PRELID2: variants seen among roughly 807,000 people sequenced by gnomAD.
PRELID2 encodes PRELI domain-containing protein 2.
Under a neutral mutation model 28.4 loss-of-function variants are expected in PRELID2, and 25 were observed. That is an observed-to-expected ratio of 0.88 (90% CI 0.64 to 1.23). The LOEUF is 1.23. Ranked by LOEUF, PRELID2 falls within the 50% of genes most tolerant of loss-of-function variation. The pLI is 0.00. For missense variants in PRELID2, 201 were observed against 214.4 expected (o/e 0.94, Z 0.39); for synonymous variants, 76 against 71.6 (o/e 1.06, Z -0.31).
At chr5:145,635,247 A>G (rs1753984750) in intron 1 of PRELID2, among the ~76,000 whole-genome samples, 1 of 152,206 alleles carries the variant, frequency 6.6e-6, no homozygotes, top group Non-Finnish European at 1.5e-5. Flanking sequence ...AACAGTTTTT[A>G]TATGCCTTCA....
chr5:145,349,386 G>C, the PRELID2 span, among the ~76,000 whole-genome samples: 4 of 151,968 alleles, frequency 2.6e-5, no homozygotes, highest in Admixed American at 6.6e-5. Flanking sequence ...ATTATGATTG[G>C]TTCCCATTTG....
Position 145,652,669 on chromosome 5 carries a change from G to A in PRELID2, n.70+112262C>T, listed in dbSNP as rs562499941. Among the ~76,000 whole-genome samples, 108 of 152,302 alleles carry A rather than the reference G, an allele frequency of 7.1e-4. 2 individuals are homozygous for A. Among genetic ancestry groups the A allele is most frequent in the African/African-American group, 2.6e-3 (107 of 41,558 alleles). ...CAAACTAAGCTTCATAAGTGAAGGAGAAATAAAATCCTTTACAGACAAGCA... is the reference window on the plus strand; with the variant it reads ...CAAACTAAGCTTCATAAGTGAAGGAAAAATAAAATCCTTTACAGACAAGCA... On this transcript the variant is annotated intron_variant and non_coding_transcript_variant, in intron 1 of 2. Coordinates refer to the PRELID2 transcript ENST00000510259.
intron 1 of PRELID2, among the ~76,000 whole-genome samples, chr5:145,553,184 C>CG (rs1335049033): frequency 1.7e-5 from 2 of 117,782 alleles, no homozygotes; most frequent in Non-Finnish European, 3.4e-5. Context: ...GCTAGAGGAC[C>CG]CCCCCCCCCA....
At chr5:145,437,466 A>T in the PRELID2 span, among the ~76,000 whole-genome samples, 1 of 152,282 alleles carries the variant, frequency 6.6e-6, no homozygotes, top group East Asian at 1.9e-4. Context: ...GTCAGCCAGA[A>T]AGCAATTAAA....
At chr5:145,247,199 G>A in the PRELID2 span, among the ~76,000 whole-genome samples, 6 of 152,156 alleles carry the variant, frequency 3.9e-5, no homozygotes, top group Admixed American at 2.0e-4. Flanking sequence ...CTTTGACCCC[G>A]TTTGATTCCA....
chr5:145,512,021 T>C (rs999283588), intron 1 of PRELID2, among the ~76,000 whole-genome samples: 26 of 152,106 alleles, frequency 1.7e-4, no homozygotes, highest in African/African-American at 6.0e-4. Context: ...TGTAGACTGA[T>C]TGCATGTGGA....
the PRELID2 span, among the ~76,000 whole-genome samples, chr5:145,344,424 T>C: frequency 2.0e-3 from 302 of 152,168 alleles, 2 homozygotes; most frequent in African/African-American, 7.0e-3. Flanking sequence ...TTTATCATAA[T>C]TGCAAGATTC....
chr5:145,423,975 G>T, the PRELID2 span, among the ~76,000 whole-genome samples: 1 of 151,456 alleles, frequency 6.6e-6, no homozygotes, highest in Non-Finnish European at 1.5e-5. Context: ...TCAGCTGCAG[G>T]TCTGTTGGAG....
At chr5:145,324,549 T>G in the PRELID2 span, among the ~76,000 whole-genome samples, 34 of 152,290 alleles carry the variant, frequency 2.2e-4, 1 homozygote, top group African/African-American at 8.2e-4. Context: ...CCAGTTCAGG[T>G]CCTCAAAACT....
intron 1 of PRELID2, among the ~76,000 whole-genome samples, chr5:145,741,519 T>A (rs184545664): frequency 1.7e-5 from 2 of 118,428 alleles, no homozygotes; most frequent in East Asian, 5.0e-4. Flanking sequence ...TTATAAATAA[T>A]TTATTTATAT....
At chr5:145,498,407 C>T (rs1183534166) in intron 1 of PRELID2, among the ~76,000 whole-genome samples, 1 of 152,064 alleles carries the variant, frequency 6.6e-6, no homozygotes, top group Non-Finnish European at 1.5e-5. Flanking sequence ...CATCTGCAGT[C>T]CCAGCTACCC....
At chr5:145,750,264 C>T (rs2149750539) in intron 1 of PRELID2, among the ~76,000 whole-genome samples, 1 of 151,808 alleles carries the variant, frequency 6.6e-6, no homozygotes. Context: ...AGGAACTGCT[C>T]CAATTGTTTT....
At chr5:145,555,427 T>C (rs1752872570) in intron 1 of PRELID2, among the ~76,000 whole-genome samples, 1 of 152,210 alleles carries the variant, frequency 6.6e-6, no homozygotes, top group South Asian at 2.1e-4. Context: ...ATGCCAGTTA[T>C]TTGCTAGTCA....
intron 2 of PRELID2, among the ~76,000 whole-genome samples, chr5:145,472,711 T>C (rs753453661): frequency 2.6e-5 from 4 of 152,084 alleles, no homozygotes; most frequent in Non-Finnish European, 4.4e-5. Flanking sequence ...GTTTCCTCAG[T>C]GGTGAAATGG....
intron 1 of PRELID2, among the ~76,000 whole-genome samples, chr5:145,674,507 T>C (rs552699336): frequency 8.6e-4 from 131 of 152,348 alleles, no homozygotes; most frequent in African/African-American, 3.1e-3. Flanking sequence ...TTAATTCAGA[T>C]TCAGCATCTG....
At chr5:145,335,138 A>G in the PRELID2 span, among the ~76,000 whole-genome samples, 1 of 151,982 alleles carries the variant, frequency 6.6e-6, no homozygotes, top group Non-Finnish European at 1.5e-5. Context: ...TAAATTCCAT[A>G]AACTGTCTTC....
At chr5:145,792,118 C>G (rs1384361718) in intron 5 of PRELID2, among the ~76,000 whole-genome samples, 1 of 152,140 alleles carries the variant, frequency 6.6e-6, no homozygotes, top group Non-Finnish European at 1.5e-5. Flanking sequence ...CTGGTTATAT[C>G]AAGAACACCC....
the PRELID2 span, among the ~76,000 whole-genome samples, chr5:145,377,859 C>T: frequency 6.6e-6 from 1 of 152,062 alleles, no homozygotes; most frequent in Admixed American, 6.6e-5. Flanking sequence ...ACATTCAAGG[C>T]TAGTATTGAT....
the PRELID2 span, among the ~76,000 whole-genome samples, chr5:145,461,422 C>A: frequency 0.08 from 12,181 of 152,086 alleles, 581 homozygotes; most frequent in Admixed American, 0.12. Flanking sequence ...CCTGCCTCAG[C>A]CTTCCAAGTA....
Sources: allele counts gnomAD v4.1 joint callset (sites outside exome capture counted in the v4.1 genomes callset), GRCh38; gene constraint gnomAD v4.1.1; transcripts MANE v1.5; gene names NCBI Gene and HGNC (gene_info 2026-07-23, HGNC 2026-07-21).